The following APBA1 variants were observed in gnomAD, a reference collection of about 807,000 sequenced individuals.
APBA1 encodes the protein amyloid beta precursor protein binding family A member 1.
In APBA1, 55 loss-of-function variants were observed where a neutral mutation model predicts 86.6. The ratio of observed to expected loss-of-function variants is 0.64; its 90% CI spans 0.51 to 0.80. The LOEUF (loss-of-function observed/expected upper bound fraction) is 0.80. Among genes scored for constraint, APBA1 ranks in the 30% least tolerant of loss-of-function variants. The pLI is 0.00. For synonymous variants in APBA1, 511 were observed against 493.9 expected, an observed-to-expected ratio of 1.03 and a Z score of -0.46; for missense variants, 1,090 against 1,183.0, an observed-to-expected ratio of 0.92 and a Z score of 1.15.
chr9:69,632,751 A>G (rs926895020), intron 1 of APBA1, among the ~76,000 whole-genome samples: 1 of 152,218 alleles, frequency 6.6e-6, no homozygotes, highest in Non-Finnish European at 1.5e-5. Context: ...GCTGTATAGA[A>G]CAATCCATAT....
chr9:69,545,879 G>A (rs1007874435), intron 1 of APBA1, among the ~76,000 whole-genome samples: 11 of 152,304 alleles, frequency 7.2e-5, no homozygotes, highest in African/African-American at 2.6e-4. Flanking sequence ...ATGACCTTCA[G>A]TATATATGCT....
At chr9:69,537,963 T>C (rs1403649661) in intron 1 of APBA1, among the ~76,000 whole-genome samples, 1 of 152,064 alleles carries the variant, frequency 6.6e-6, no homozygotes, top group Non-Finnish European at 1.5e-5. Flanking sequence ...TTAGCAAAGA[T>C]GAGGACTGTT....
At chr9:69,512,241 T>C (rs1372012074) in intron 2 of APBA1, among the ~76,000 whole-genome samples, 1 of 152,158 alleles carries the variant, frequency 6.6e-6, no homozygotes, top group Admixed American at 6.5e-5. Context: ...TTTTTTCAAA[T>C]GTTTAGAACA....
Position 69,658,304 on chromosome 9 carries a change from C to CTCTCTTTCTTTCTTTCTTTCTTTCTT in APBA1, c.-70+13848_-70+13849insAAGAAAGAAAGAAAGAAAGAAAGAGA, listed in dbSNP as rs1362898788. ...TCTTTCTCTCTCTCTTTCTCTCTCT[C>CTCTCTTTCTTTCTTTCTTTCTTTCTT]TCTTTCTTTCTTTCTTTCTTTCTTT... On this transcript the variant is annotated intron_variant, in intron 1 of 12. Transcript: ENST00000265381. Among the ~76,000 whole-genome samples the CTCTCTTTCTTTCTTTCTTTCTTTCTT allele has an allele frequency of 2.6e-4, 21 of 80,034 alleles. 3 individuals are homozygous for CTCTCTTTCTTTCTTTCTTTCTTTCTT. Among genetic ancestry groups the CTCTCTTTCTTTCTTTCTTTCTTTCTT allele is most frequent in the East Asian group, 3.9e-4 (1 of 2,568 alleles). 52.5% of individuals were successfully genotyped at this position (80,034 alleles called of 152,430 possible). A position where few individuals can be genotyped will look rare whatever the true frequency, so the allele number is the denominator to read the frequency against.
intron 1 of APBA1, among the ~76,000 whole-genome samples, chr9:69,557,243 G>A (rs542214963): frequency 1.3e-5 from 2 of 152,300 alleles, no homozygotes; most frequent in Non-Finnish European, 2.9e-5. Context: ...CTATGGCCAA[G>A]TCTTCTCAGG....
intron 1 of APBA1, among the ~76,000 whole-genome samples, chr9:69,642,001 A>G (rs1239761942): frequency 6.6e-6 from 1 of 152,182 alleles, no homozygotes; most frequent in Non-Finnish European, 1.5e-5. Flanking sequence ...ACACGCCACC[A>G]CACCTGGCTA....
chr9:69,629,128 G>A (rs1198894032), intron 1 of APBA1, among the ~76,000 whole-genome samples: 2 of 152,086 alleles, frequency 1.3e-5, no homozygotes, highest in East Asian at 1.9e-4. Flanking sequence ...GCTAAAGTCT[G>A]AATTGAAACC....
intron 1 of APBA1, among the ~76,000 whole-genome samples, chr9:69,522,279 A>C (rs1315235119): frequency 6.6e-6 from 1 of 152,054 alleles, no homozygotes; most frequent in Non-Finnish European, 1.5e-5. Context: ...TTAGTAACTG[A>C]AAAAGGAAAA....
At chr9:69,550,379 G>A (rs1419533708) in intron 1 of APBA1, among the ~76,000 whole-genome samples, 1 of 151,956 alleles carries the variant, frequency 6.6e-6, no homozygotes, top group African/African-American at 2.4e-5. Flanking sequence ...AATCAATTCA[G>A]TCATCCTTTA....
chr9:69,529,292 A>G (rs145245507), intron 1 of APBA1, among the ~76,000 whole-genome samples: 1,682 of 152,128 alleles, frequency 0.011, 27 homozygotes, highest in African/African-American at 0.038. Context: ...CAGCTTCACA[A>G]CTCCCAAAGA....
intron 1 of APBA1, among the ~76,000 whole-genome samples, chr9:69,561,918 C>G (rs113247221): frequency 6.6e-6 from 1 of 152,234 alleles, no homozygotes; most frequent in African/African-American, 2.4e-5. Context: ...TGAGCCACTG[C>G]GCCCTGCTGT....
chr9:69,511,452 G>C (rs553129293), intron 2 of APBA1, among the ~76,000 whole-genome samples: 12 of 152,228 alleles, frequency 7.9e-5, no homozygotes, highest in East Asian at 1.9e-4. Context: ...TGGAGAAATA[G>C]GAACACTTTT....
In APBA1 at chr9:69,623,573, C is replaced by T. The variant is rs551704559; in HGVS notation, c.-70+48580G>A. ...CCTCACAATTTTGCAAGAGCTGGCC[C>T]TGACTAGATCTAATTGTTCTTTACA... On this transcript the variant is annotated intron_variant, in intron 1 of 12. Coordinates refer to ENST00000265381, the MANE Select transcript of APBA1 (RefSeq NM_001163.4). Among the ~76,000 whole-genome samples, 193 of 152,234 alleles carry T rather than the reference C, an allele frequency of 1.3e-3. 1 individual carries two copies. The highest frequency in any genetic ancestry group is 4.1e-3 in the African/African-American group (171 of 41,540).
At chr9:69,526,391 C>T (rs1836342523) in intron 1 of APBA1, among the ~76,000 whole-genome samples, 1 of 152,018 alleles carries the variant, frequency 6.6e-6, no homozygotes, top group South Asian at 2.1e-4. Flanking sequence ...AACCAAATAA[C>T]CCCATTAAAA....
At chr9:69,613,257 T>C (rs1588393514) in intron 1 of APBA1, among the ~76,000 whole-genome samples, 2 of 152,272 alleles carry the variant, frequency 1.3e-5, no homozygotes, top group East Asian at 1.9e-4. Flanking sequence ...CTTAGTAAAA[T>C]TGTAAGAGGT....
In APBA1 at chr9:69,511,923, T is replaced by A. The variant is rs865812874; in HGVS notation, c.1200+4088A>T. On this transcript the variant is annotated intron_variant, in intron 2 of 12. Coordinates refer to ENST00000265381, the MANE Select transcript of APBA1 (RefSeq NM_001163.4). ...GAATATCACACTCTGGGGACTGTGGTGGGGTGGGGGTAGGGGGGAGGGATA... is the reference window on the plus strand; with the variant it reads ...GAATATCACACTCTGGGGACTGTGGAGGGGTGGGGGTAGGGGGGAGGGATA... Among the ~76,000 whole-genome samples the A allele has an allele frequency of 2.5e-3, 193 of 76,780 alleles. No homozygotes were observed. The Middle Eastern group carries it at 0.026, about 10-fold the overall frequency. 50.4% of individuals were successfully genotyped at this position (76,780 alleles called of 152,430 possible). A position where few individuals can be genotyped will look rare whatever the true frequency, so the allele number is the denominator to read the frequency against.
intron 10 of APBA1, among the ~76,000 whole-genome samples, chr9:69,448,019 C>G (rs1371918214): frequency 1.3e-5 from 2 of 151,966 alleles, no homozygotes; most frequent in African/African-American, 2.4e-5. Flanking sequence ...CCCCACCCCC[C>G]CGCTTGCCTC....
chr9:69,443,697 G>A (rs1382696654), intron 10 of APBA1, among the ~76,000 whole-genome samples: 1 of 152,152 alleles, frequency 6.6e-6, no homozygotes, highest in Non-Finnish European at 1.5e-5. Context: ...CTATATTATA[G>A]AAGAGGAAAC....
intron 1 of APBA1, among the ~76,000 whole-genome samples, chr9:69,614,331 T>C (rs1480461899): frequency 1.3e-5 from 2 of 152,200 alleles, no homozygotes; most frequent in African/African-American, 4.8e-5. Flanking sequence ...TTCTCTCATC[T>C]TGTGGAGATA....
Sources: gnomAD v4.1 joint callset for allele counts (sites outside exome capture counted in the v4.1 genomes callset) on GRCh38, gnomAD v4.1.1 for gene constraint, MANE v1.5 for transcripts, NCBI Gene and HGNC (gene_info 2026-07-23, HGNC 2026-07-21) for gene names.